The following DIS3L2 variants were observed in gnomAD, a reference collection of about 807,000 sequenced individuals.
The protein encoded by DIS3L2 is DIS3 like 3'-5' exoribonuclease 2.
Under a neutral mutation model 97.5 loss-of-function variants are expected in DIS3L2, and 34 were observed. The ratio of observed to expected loss-of-function variants is 0.35; its 90% CI spans 0.27 to 0.46. The LOEUF is 0.46. Ranked by LOEUF, DIS3L2 falls within the 20% of genes least tolerant of loss-of-function variation. The pLI, the probability that DIS3L2 is intolerant of heterozygous loss-of-function variation, is 1.00. For missense variants in DIS3L2, 1,038 were observed against 1,146.0 expected (o/e 0.91, Z 1.36); for synonymous variants, 435 against 445.2 (o/e 0.98, Z 0.29).
intron 9 of DIS3L2, among the ~76,000 whole-genome samples, chr2:232,192,499 A>T (rs1691641101): frequency 6.6e-6 from 1 of 152,220 alleles, no homozygotes; most frequent in Non-Finnish European, 1.5e-5. Flanking sequence ...GAGAAAATAG[A>T]AGTTAGAGCC....
chr2:232,221,741 C>G (rs1262534511), intron 10 of DIS3L2, among the ~76,000 whole-genome samples: 3 of 151,742 alleles, frequency 2.0e-5, no homozygotes, highest in African/African-American at 7.3e-5. Flanking sequence ...GTGGAGGTTG[C>G]AGTGAGCCGA....
chr2:232,044,474 C>T (rs1392621828), intron 5 of DIS3L2, among the ~76,000 whole-genome samples: 1 of 151,974 alleles, frequency 6.6e-6, no homozygotes. Flanking sequence ...GATGGTGGCA[C>T]CCTTTGCCAA....
At chr2:232,082,567 G>A (rs964694955) in intron 5 of DIS3L2, among the ~76,000 whole-genome samples, 4 of 152,126 alleles carry the variant, frequency 2.6e-5, no homozygotes, top group African/African-American at 4.8e-5. Flanking sequence ...GTTTCATCCC[G>A]TAACAGCCCC....
At chr2:232,116,968 C>T (rs1697741019) in intron 6 of DIS3L2, among the ~76,000 whole-genome samples, 1 of 152,204 alleles carries the variant, frequency 6.6e-6, no homozygotes, top group Admixed American at 6.5e-5. Context: ...AACAAAAGTT[C>T]AGCTGCACTG....
chr2:232,277,152 C>T (rs1380738282), intron 13 of DIS3L2, among the ~76,000 whole-genome samples: 1 of 148,484 alleles, frequency 6.7e-6, no homozygotes, highest in South Asian at 2.1e-4. Flanking sequence ...TTGGCTAGGT[C>T]CCTGAAGGGA....
chr2:232,175,837 G>C (rs1439883517), intron 9 of DIS3L2, among the ~76,000 whole-genome samples: 1 of 151,968 alleles, frequency 6.6e-6, no homozygotes, highest in South Asian at 2.1e-4. Flanking sequence ...TTTTCTTATA[G>C]ATCTATTGAA....
At chr2:232,212,122 G>C (rs980257113) in intron 10 of DIS3L2, among the ~76,000 whole-genome samples, 9 of 152,198 alleles carry the variant, frequency 5.9e-5, no homozygotes, top group Admixed American at 3.3e-4. Flanking sequence ...AATTGAAGCA[G>C]CCTACTTCAA....
intron 9 of DIS3L2, among the ~76,000 whole-genome samples, chr2:232,200,592 A>T (rs558005293): frequency 9.9e-5 from 15 of 152,280 alleles, no homozygotes; most frequent in African/African-American, 1.7e-4. Context: ...GAATTTTTTT[A>T]AAAAATCAAT....
At chr2:232,141,847 C>T (rs1417859713) in intron 8 of DIS3L2, among the ~76,000 whole-genome samples, 4 of 152,126 alleles carry the variant, frequency 2.6e-5, no homozygotes, top group African/African-American at 9.7e-5. Flanking sequence ...GATAGATACT[C>T]AGTTTCTTAC....
intron 9 of DIS3L2, among the ~76,000 whole-genome samples, chr2:232,171,438 A>C (rs567208637): frequency 6.6e-6 from 1 of 152,294 alleles, no homozygotes; most frequent in Admixed American, 6.5e-5. Flanking sequence ...GAGCTGTCTC[A>C]TTCTTGGATT....
chr2:232,158,196 C>T (rs746594984), intron 8 of DIS3L2, among the ~76,000 whole-genome samples: 42 of 152,206 alleles, frequency 2.8e-4, no homozygotes, highest in Non-Finnish European at 5.1e-4. Flanking sequence ...AGAGACCATC[C>T]CTTACAATGG....
chr2:231,994,815 C>CTT lies in DIS3L2; in HGVS notation c.-93-20006_-93-20005dup, dbSNP rs560154000. Among the ~76,000 whole-genome samples the CTT allele has an allele frequency of 6.9e-3, 923 of 134,450 alleles. 16 individuals carry two copies. The highest frequency in any genetic ancestry group is 0.024 in the African/African-American group (857 of 35,656). The allele number at this position is 134,450 out of a possible 152,430, so 88.2% of individuals were successfully genotyped here. ...TTTCTTTTTTTCTTTCATTCTTTTT[C>CTT]TTTTTTTTTTTTTTTGAGATAGGGT... On this transcript the variant is annotated intron_variant, in intron 1 of 20. Coordinates refer to ENST00000325385, the MANE Select transcript of DIS3L2 (RefSeq NM_152383.5).
chr2:231,977,236 A>G lies in DIS3L2; in HGVS notation c.-94+15471A>G, dbSNP rs1163191074. On this transcript the variant is annotated intron_variant, in intron 1 of 20. Coordinates refer to ENST00000325385, the MANE Select transcript of DIS3L2 (RefSeq NM_152383.5). ...TTGTAAGTTGAACCATCATAAGTTG[A>G]GGACCGTCTGTCTGTACAATCTTAT... is the stretch of plus-strand genomic sequence containing the variant. Among the ~76,000 whole-genome samples the G allele has an allele frequency of 2.0e-5, 3 of 152,104 alleles. No individual in the cohort carries two copies. The East Asian group carries it at 5.8e-4, about 29-fold the overall frequency.
intron 5 of DIS3L2, among the ~76,000 whole-genome samples, chr2:232,073,366 A>G (rs1450471786): frequency 6.6e-6 from 1 of 152,206 alleles, no homozygotes; most frequent in African/African-American, 2.4e-5. Context: ...CCTGTGCACA[A>G]AGTGTCAGTG....
chr2:232,024,428 G>A, intron 4 of DIS3L2, 98 bp downstream of exon 4: 1 of 1,009,006 alleles, frequency 9.9e-7, no homozygotes, highest in Non-Finnish European at 1.5e-6. Flanking sequence ...AAGCAGAGTA[G>A]TGAAACAAAA....
At chr2:232,286,587 C>T (rs1403590760) in intron 13 of DIS3L2, among the ~76,000 whole-genome samples, 2 of 152,174 alleles carry the variant, frequency 1.3e-5, no homozygotes, top group African/African-American at 2.4e-5. Context: ...CAGGAATAAC[C>T]TCTGGCCTTA....
At chr2:232,082,055 G>T (rs181806690) in intron 5 of DIS3L2, among the ~76,000 whole-genome samples, 1 of 152,198 alleles carries the variant, frequency 6.6e-6, no homozygotes, top group Admixed American at 6.5e-5. Context: ...CTCCCAAAGT[G>T]CTGGGATTGC....
At chr2:232,254,574 A>G (rs1229152210) in intron 12 of DIS3L2, among the ~76,000 whole-genome samples, 1 of 152,228 alleles carries the variant, frequency 6.6e-6, no homozygotes, top group Admixed American at 6.5e-5. Flanking sequence ...AAAAGCCCAT[A>G]GAAGAAAGCT....
At chr2:232,074,571 C>CTTTTTTTTTTT (rs66518544) in intron 5 of DIS3L2, among the ~76,000 whole-genome samples, 1 of 104,192 alleles carries the variant, frequency 9.6e-6, no homozygotes, top group African/African-American at 3.7e-5. Flanking sequence ...ATCAAGGAAC[C>CTTTTTTTTTTT]TTTTTTTTTT....
Sources: allele counts gnomAD v4.1 joint callset (sites outside exome capture counted in the v4.1 genomes callset), GRCh38; gene constraint gnomAD v4.1.1; transcripts MANE v1.5; gene names NCBI Gene and HGNC (gene_info 2026-07-23, HGNC 2026-07-21).